Variants in CEP83 observed in about 807,000 individuals in gnomAD.
CEP83 encodes the protein centrosomal protein 83, also known as centrosomal protein of 83 kDa.
In CEP83, 70 loss-of-function variants were observed where a neutral mutation model predicts 101.9. The ratio of observed to expected loss-of-function variants is 0.69; its 90% CI spans 0.57 to 0.84. The LOEUF (loss-of-function observed/expected upper bound fraction) is 0.84. CEP83 is among the 40% of genes least tolerant of loss of function. The pLI, the probability that CEP83 is intolerant of heterozygous loss-of-function variation, is 0.00. For missense variants in CEP83, 715 were observed against 787.2 expected, an observed-to-expected ratio of 0.91 and a Z score of 1.10; for synonymous variants, 264 against 267.9, an observed-to-expected ratio of 0.99 and a Z score of 0.14.
chr12:94,312,623 C>A lies in CEP83; in HGVS notation c.1811+291G>T, dbSNP rs756262117. On this transcript the variant is annotated intron_variant, in intron 15 of 16. Transcript: ENST00000397809. ...TTTCAGAACTATGCAATAGCTACAA[C>A]TGTCTTGTACAGCAGCAACAACTAA... is the stretch of plus-strand genomic sequence containing the variant. 3.2e-5 allele frequency: 32 copies of A among 985,400 alleles called. No homozygotes were observed. In the Middle Eastern group the frequency reaches 5.2e-3, roughly 161 times the overall value. The allele number at this position is 985,400 out of a possible 1,614,324, so 61.0% of individuals were successfully genotyped here.
intron 11 of CEP83, among the ~76,000 whole-genome samples, chr12:94,348,941 T>G (rs991277087): frequency 1.3e-5 from 2 of 151,592 alleles, no homozygotes; most frequent in Non-Finnish European, 2.9e-5. Context: ...TCAACAACTT[T>G]TTGCAGGGAA....
At chr12:94,332,200 A>G (rs2059253694) in intron 13 of CEP83, among the ~76,000 whole-genome samples, 1 of 152,228 alleles carries the variant, frequency 6.6e-6, no homozygotes, top group South Asian at 2.1e-4. Flanking sequence ...TATAATAACC[A>G]TCAAACTACA....
chr12:94,375,888 T>C lies in CEP83; in HGVS notation c.931A>G (p.Lys311Glu), dbSNP rs1254562050. ...AEREINTLSS[K>E]VKELKHSNKL... ...AACAGAAACATAAAACAACTTACTT[T>C]ACTGGACAATGTATTTATTTCTCGT... Residue 311 changes from lysine to glutamate, a missense_variant and splice_region_variant, in exon 8 of 17, where the codon AAA becomes GAA. Transcript: ENST00000397809. The C allele has an allele frequency of 1.4e-6, 2 of 1,455,390 alleles. No individual in the cohort carries two copies. Among genetic ancestry groups the C allele is most frequent in the Middle Eastern group, 2.0e-4 (1 of 5,084 alleles). The allele number at this position is 1,455,390 out of a possible 1,614,324, so 90.2% of individuals were successfully genotyped here. A position where few individuals can be genotyped will look rare whatever the true frequency, so the allele number is the denominator to read the frequency against.
intron 4 of CEP83, among the ~76,000 whole-genome samples, chr12:94,406,674 C>T (rs575821393): frequency 6.6e-6 from 1 of 152,074 alleles, no homozygotes; most frequent in African/African-American, 2.4e-5. Flanking sequence ...GTAATCCCAG[C>T]ACTTTGGGAG....
intron 2 of CEP83, among the ~76,000 whole-genome samples, chr12:94,414,611 T>G (rs1242739807): frequency 1.3e-5 from 2 of 152,192 alleles, no homozygotes; most frequent in African/African-American, 4.8e-5. Context: ...TAAACATAAC[T>G]TTTCCATGCA....
the CEP83 span, among the ~76,000 whole-genome samples, chr12:94,276,581 CT>C: frequency 1.3e-5 from 2 of 152,238 alleles, no homozygotes; most frequent in African/African-American, 4.8e-5. Flanking sequence ...GGTTCTGCCA[CT>C]GGTGAGCTGT....
At chr12:94,377,966 T>C (rs1345036845) in intron 7 of CEP83, among the ~76,000 whole-genome samples, 1 of 151,966 alleles carries the variant, frequency 6.6e-6, no homozygotes, top group Non-Finnish European at 1.5e-5. Flanking sequence ...CTTCAAAACA[T>C]ACCATTGTAC....
intron 2 of CEP83, among the ~76,000 whole-genome samples, chr12:94,412,855 AT>A (rs750845100): frequency 4.1e-3 from 558 of 136,964 alleles, no homozygotes; most frequent in Admixed American, 5.4e-3. Flanking sequence ...TACCCGGCTA[AT>A]TTTTTTTTTT....
the CEP83 span, among the ~76,000 whole-genome samples, chr12:94,300,289 C>A: frequency 6.6e-6 from 1 of 152,134 alleles, no homozygotes; most frequent in Admixed American, 6.5e-5. Context: ...GAAGGCCTCA[C>A]AGAGATGGTG....
intron 5 of CEP83, chr12:94,401,388 T>C (rs1284096110): frequency 6.6e-6 from 1 of 152,288 alleles, no homozygotes; most frequent in Non-Finnish European, 1.5e-5. Flanking sequence ...TGTAAGGTTA[T>C]TGTAATATTT....
chr12:94,397,422 T>C (rs1433681631), intron 6 of CEP83, among the ~76,000 whole-genome samples: 2 of 152,082 alleles, frequency 1.3e-5, no homozygotes, highest in Non-Finnish European at 2.9e-5. Context: ...CACTTGAACC[T>C]GGGAGGCAGA....
intron 11 of CEP83, among the ~76,000 whole-genome samples, chr12:94,347,883 T>C (rs2060013409): frequency 6.6e-6 from 1 of 152,132 alleles, no homozygotes; most frequent in South Asian, 2.1e-4. Flanking sequence ...TGTACAACTG[T>C]ATACAAAATG....
rs1425183917 is a variant in CEP83 at position 94,369,764 on chromosome 12, CA to C, written c.1048+157del. The C allele has an allele frequency of 1.0e-5, 5 of 487,378 alleles. No homozygotes were observed. In the Admixed American group the frequency reaches 1.9e-4, roughly 19 times the overall value. The allele number at this position is 487,378 out of a possible 1,614,324, so 30.2% of individuals were successfully genotyped here. ...TTATTAAATCTTACAATGAACAAAA[CA>C]CTCAACATATAATAAACATTTCATA... On this transcript the variant is annotated intron_variant, in intron 9 of 16. Coordinates refer to ENST00000397809, the MANE Select transcript of CEP83 (RefSeq NM_016122.3).
chr12:94,428,154 A>G (rs776903563), intron 2 of CEP83, among the ~76,000 whole-genome samples: 4 of 152,266 alleles, frequency 2.6e-5, no homozygotes, highest in Non-Finnish European at 5.9e-5. Flanking sequence ...AAGAATCTAG[A>G]AAGTAGGACA....
intron 14 of CEP83, among the ~76,000 whole-genome samples, chr12:94,314,330 T>C (rs1241667297): frequency 6.6e-6 from 1 of 152,210 alleles, no homozygotes; most frequent in Non-Finnish European, 1.5e-5. Flanking sequence ...TCAAGAGCAC[T>C]GCCATGCCAG....
chr12:94,399,355 T>C (rs1324975054), intron 6 of CEP83, among the ~76,000 whole-genome samples: 7 of 152,334 alleles, frequency 4.6e-5, no homozygotes, highest in South Asian at 2.1e-4. Context: ...CATTGAAATA[T>C]TGGGGGTGGG....
At chr12:94,424,156 G>A (rs1302489413) in intron 2 of CEP83, 1 of 1,603,374 alleles carries the variant, frequency 6.2e-7, no homozygotes. Flanking sequence ...CAAGCATCCT[G>A]TTGGGGGTGA....
At chr12:94,274,326 C>G in the CEP83 span, among the ~76,000 whole-genome samples, 10 of 151,994 alleles carry the variant, frequency 6.6e-5, no homozygotes, top group Non-Finnish European at 1.3e-4. Flanking sequence ...GAGTGAGACC[C>G]TGTCTATTAA....
Position 94,310,052 on chromosome 12 carries a change from GTAT to G in CEP83, c.1864_1866del (p.Ile622del). ...CTTCGAAATTCATTATGTCTTCTCT[GTAT>G]ATCTTTTAGTCTTTTTTGAAGCCTT... On this transcript the variant is annotated inframe_deletion, in exon 16 of 17. Coordinates refer to ENST00000397809, the MANE Select transcript of CEP83 (RefSeq NM_016122.3). The G allele has an allele frequency of 6.2e-7, 1 of 1,605,356 alleles. No homozygotes were observed. Among genetic ancestry groups the G allele is most frequent in the Non-Finnish European group, 8.5e-7 (1 of 1,172,622 alleles).
Sources: gnomAD v4.1 joint callset for allele counts (sites outside exome capture counted in the v4.1 genomes callset) on GRCh38, gnomAD v4.1.1 for gene constraint, MANE v1.5 for transcripts, NCBI Gene and HGNC (gene_info 2026-07-23, HGNC 2026-07-21) for gene names.